Variants in GCNT1 observed in about 807,000 individuals in gnomAD.
The protein encoded by GCNT1 is beta-1,3-galactosyl-O-glycosyl-glycoprotein beta-1,6-N-acetylglucosaminyltransferase.
GCNT1 carries 16 observed loss-of-function variants against 26.2 expected under a neutral mutation model. The observed-to-expected ratio is 0.61, with a 90% confidence interval of 0.41 to 0.93. The LOEUF (loss-of-function observed/expected upper bound fraction) is 0.93, where lower values mean the gene tolerates loss of function less well. GCNT1 is among the 40% of genes least tolerant of loss of function. GCNT1 has a pLI of 0.00. For missense variants in GCNT1, 477 were observed against 526.7 expected (o/e 0.91, Z 0.92); for synonymous variants, 183 against 190.8 (o/e 0.96, Z 0.34).
chr9:76,457,937 G>A (rs1303970213), upstream of GCNT1, among the ~76,000 whole-genome samples: 1 of 151,938 alleles, frequency 6.6e-6, no homozygotes, highest in Non-Finnish European at 1.5e-5. Flanking sequence ...CTCAGTTTTT[G>A]TTGGGGGAGG....
chr9:76,440,427 G>A (rs952607710), upstream of GCNT1, among the ~76,000 whole-genome samples: 6 of 152,178 alleles, frequency 3.9e-5, no homozygotes, highest in African/African-American at 1.4e-4. Flanking sequence ...ACATTTCCCT[G>A]ATTTATATTT....
At chr9:76,409,668 A>C in the GCNT1 span, among the ~76,000 whole-genome samples, 1 of 152,088 alleles carries the variant, frequency 6.6e-6, no homozygotes, top group African/African-American at 2.4e-5. Flanking sequence ...CTGGTCTCGA[A>C]CTGCTGACCT....
upstream of GCNT1, among the ~76,000 whole-genome samples, chr9:76,415,921 G>A (rs542571981): frequency 1.6e-4 from 24 of 152,144 alleles, no homozygotes; most frequent in South Asian, 5.0e-3. Context: ...ATGCTTCCTG[G>A]TAATCACAGG....
At chr9:76,463,386 T>C (rs1184078177) in intron 2 of GCNT1, among the ~76,000 whole-genome samples, 1 of 152,244 alleles carries the variant, frequency 6.6e-6, no homozygotes, top group Non-Finnish European at 1.5e-5. Flanking sequence ...AACTCTTTAT[T>C]CATAGCTAAG....
At chr9:76,484,222 A>G (rs1311846195) in intron 2 of GCNT1, among the ~76,000 whole-genome samples, 3 of 152,136 alleles carry the variant, frequency 2.0e-5, no homozygotes, top group African/African-American at 7.2e-5. Flanking sequence ...GTGAGACCCT[A>G]TCTCTACAAA....
chr9:76,461,970 C>T, intron 2 of GCNT1, among the ~76,000 whole-genome samples: 1 of 152,202 alleles, frequency 6.6e-6, no homozygotes. Context: ...AAAACTGCTA[C>T]TGTACACGGT....
At chr9:76,457,301 T>C (rs903382316), upstream of GCNT1, among the ~76,000 whole-genome samples, 7 of 152,226 alleles carry the variant, frequency 4.6e-5, no homozygotes, top group African/African-American at 1.7e-4. Context: ...CAGGCCAGAG[T>C]GCAGTGGCAC....
chr9:76,455,987 A>G (rs945019058), upstream of GCNT1, among the ~76,000 whole-genome samples: 6 of 152,228 alleles, frequency 3.9e-5, no homozygotes, highest in African/African-American at 1.4e-4. Context: ...AATCATTACT[A>G]TGACAGCTGT....
the GCNT1 span, chr9:76,398,618 T>C: frequency 5.0e-6 from 4 of 799,090 alleles, no homozygotes; most frequent in Non-Finnish European, 8.4e-6. Flanking sequence ...CCTATTTGTT[T>C]TTGCTTTCCG....
the GCNT1 span, among the ~76,000 whole-genome samples, chr9:76,394,943 A>G: frequency 6.6e-6 from 1 of 152,202 alleles, no homozygotes; most frequent in Admixed American, 6.5e-5. Context: ...GTCGTCCTCC[A>G]GGACCACTGA....
rs1044592189 is a variant in GCNT1 at position 76,507,268 on chromosome 9, TAAG to T, written c.*3601_*3603del. The T allele has an allele frequency of 6.0e-6, 1 of 167,024 alleles. No homozygotes were observed. Among genetic ancestry groups the T allele is most frequent in the Non-Finnish European group, 1.5e-5 (1 of 68,104 alleles). The allele number at this position is 167,024 out of a possible 1,614,324, so 10.3% of individuals were successfully genotyped here. ...CCGTTAAGCCTCTACGATTTTTAAG[TAAG>T]TTGGGGACCATCAGTTTAAAATAAA... On this transcript the variant is annotated 3_prime_UTR_variant, in exon 4 of 4. Coordinates refer to ENST00000376730, the MANE Select transcript of GCNT1 (RefSeq NM_001490.5).
intron 2 of GCNT1, among the ~76,000 whole-genome samples, chr9:76,470,258 G>A (rs940027677): frequency 6.6e-6 from 1 of 152,080 alleles, no homozygotes; most frequent in Non-Finnish European, 1.5e-5. Flanking sequence ...TCTTTCTCGT[G>A]ATATACCCCT....
chr9:76,407,061 A>G, the GCNT1 span, among the ~76,000 whole-genome samples: 1 of 152,084 alleles, frequency 6.6e-6, no homozygotes, highest in Admixed American at 6.5e-5. Context: ...ATAAAAAGTC[A>G]TTCCCATACA....
At position 76,504,964 on chromosome 9, in the gene GCNT1, C is replaced by T. The variant is rs1208209092; in HGVS notation, c.*1296C>T. 2.2e-5 allele frequency: 9 copies of T among 413,146 alleles called. No individual in the cohort carries two copies. The allele number at this position is 413,146 out of a possible 1,614,324, so 25.6% of individuals were successfully genotyped here. A position where few individuals can be genotyped will look rare whatever the true frequency, so the allele number is the denominator to read the frequency against. On this transcript the variant is annotated 3_prime_UTR_variant, in exon 4 of 4. Coordinates refer to ENST00000376730, the MANE Select transcript of GCNT1 (RefSeq NM_001490.5). Reference sequence around the variant, plus strand: ...TCACAGCATACGATTTTTACTCTCTCCATCTTCACCATAAGACAGATAATT... The same window carrying T: ...TCACAGCATACGATTTTTACTCTCTTCATCTTCACCATAAGACAGATAATT...
Position 76,495,058 on chromosome 9 carries a change from A to T in GCNT1, c.-289-5858A>T, listed in dbSNP as rs570146349. 2.6e-5 allele frequency among the ~76,000 whole-genome samples: 4 copies of T among 152,264 alleles called. No homozygotes were observed. In the South Asian group the frequency reaches 8.3e-4, roughly 32 times the overall value. On this transcript the variant is annotated intron_variant, in intron 2 of 3. Transcript: ENST00000376730. Reference sequence around the variant, plus strand: ...CGCACTAGTCGCTTTTAACTGGCCGATAGGTGCCCAGTATTTAGCCACCGA... The same window carrying T: ...CGCACTAGTCGCTTTTAACTGGCCGTTAGGTGCCCAGTATTTAGCCACCGA...
chr9:76,501,565 G>A (rs778283940), intron 3 of GCNT1, among the ~76,000 whole-genome samples: 1 of 152,168 alleles, frequency 6.6e-6, no homozygotes, highest in South Asian at 2.1e-4. Context: ...AACTCATTGT[G>A]GGACTAACCC....
rs1758296658 is a variant in GCNT1, at chr9:76,504,805, G to T, written c.*1137G>T. ...GGTCTTCCCGTTACCTGCCCCCTGG[G>T]TGGTAAGTTTCCTCCTTTCTCAACC... is the stretch of plus-strand genomic sequence containing the variant. On this transcript the variant is annotated 3_prime_UTR_variant, in exon 4 of 4. Transcript: ENST00000376730. 2.4e-6 allele frequency: 1 copy of T among 413,392 alleles called. No individual in the cohort carries two copies. The highest frequency in any genetic ancestry group is 4.4e-5 in the Admixed American group (1 of 22,708). 25.6% of individuals were successfully genotyped at this position (413,392 alleles called of 1,614,324 possible).
intron 1 of GCNT1, among the ~76,000 whole-genome samples, chr9:76,442,552 GCGC>G (rs1159836248): frequency 6.6e-6 from 1 of 152,082 alleles, no homozygotes; most frequent in East Asian, 1.9e-4. Flanking sequence ...TTGGTGGTAG[GCGC>G]CTGTAATCCC....
At position 76,505,120 on chromosome 9, in the gene GCNT1, A is replaced by G. The variant is rs1825203990; in HGVS notation, c.*1452A>G. On this transcript the variant is annotated 3_prime_UTR_variant, in exon 4 of 4. Coordinates refer to ENST00000376730, the MANE Select transcript of GCNT1 (RefSeq NM_001490.5). ...GAACTGTGAGGCTTTGTCATTTAGC[A>G]TTAGACTTTAAACAAGAATTAAAAT... The G allele has an allele frequency of 1.2e-5, 5 of 411,052 alleles. No individual in the cohort carries two copies. The highest frequency in any genetic ancestry group is 2.1e-5 in the African/African-American group (1 of 48,590). 25.5% of individuals were successfully genotyped at this position (411,052 alleles called of 1,614,324 possible). A position where few individuals can be genotyped will look rare whatever the true frequency, so the allele number is the denominator to read the frequency against.
Sources: allele counts gnomAD v4.1 joint callset (sites outside exome capture counted in the v4.1 genomes callset), GRCh38; gene constraint gnomAD v4.1.1; transcripts MANE v1.5; gene names NCBI Gene and HGNC (gene_info 2026-07-23, HGNC 2026-07-21).